The following PLEKHM2 variants were observed in gnomAD, a reference collection of about 807,000 sequenced individuals.
The protein encoded by PLEKHM2 is pleckstrin homology and RUN domain containing M2.
In PLEKHM2, 77 loss-of-function variants were observed where a neutral mutation model predicts 116.3. That is an observed-to-expected ratio of 0.66 (90% CI 0.55 to 0.80). The LOEUF (loss-of-function observed/expected upper bound fraction) is 0.80, where lower values mean the gene tolerates loss of function less well. Among genes scored for constraint, PLEKHM2 ranks in the 30% least tolerant of loss-of-function variants. The pLI is 0.00. For synonymous variants in PLEKHM2, 562 were observed against 571.0 expected (o/e 0.98, Z 0.22); for missense variants, 1,183 against 1,354.9 (o/e 0.87, Z 1.99).
chr1:15,731,814 C>T (rs1268754719), intron 16 of PLEKHM2, 75 bp from the exon 17 acceptor site: 1 of 1,354,388 alleles, frequency 7.4e-7, no homozygotes, highest in Non-Finnish European at 1.0e-6. Context: ...GCACACCCCG[C>T]ACCAACCCTG....
At chr1:15,696,592 C>G (rs1334442112) in intron 1 of PLEKHM2, among the ~76,000 whole-genome samples, 1 of 152,084 alleles carries the variant, frequency 6.6e-6, no homozygotes, top group Non-Finnish European at 1.5e-5. Context: ...CTCAGGTGAT[C>G]CGCCCGCCTC....
chr1:15,732,784 TCC>T, intron 19 of PLEKHM2, 56 bp downstream of exon 19: 1 of 1,207,088 alleles, frequency 8.3e-7, no homozygotes, highest in Middle Eastern at 1.9e-4. Flanking sequence ...TGGGAGCCAC[TCC>T]CCGGGGAGAG....
chr1:15,729,050 C>T lies in PLEKHM2; in HGVS notation c.1987-52C>T, dbSNP rs777882850. On this transcript the variant is annotated intron_variant, in intron 12 of 19. Coordinates refer to ENST00000375799, the MANE Select transcript of PLEKHM2 (RefSeq NM_015164.4). The surrounding 1 kb of genome is among the most constrained non-coding windows in gnomAD (Gnocchi z 4.7). Reference sequence around the variant, plus strand: ...CTCAGCCTGGCCAAGCTGCCTTCTCCGCCAGGCAGCAGCTAAGCCCCAAGT... The same window carrying T: ...CTCAGCCTGGCCAAGCTGCCTTCTCTGCCAGGCAGCAGCTAAGCCCCAAGT... 732 of 1,507,426 alleles carry T rather than the reference C, an allele frequency of 4.9e-4. No homozygotes were observed. The highest frequency in any genetic ancestry group is 5.4e-4 in the Non-Finnish European group (597 of 1,102,378). The allele number at this position is 1,507,426 out of a possible 1,614,324, so 93.4% of individuals were successfully genotyped here. A position where few individuals can be genotyped will look rare whatever the true frequency, so the allele number is the denominator to read the frequency against.
chr1:15,683,156 G>T (rs1557634640), upstream of PLEKHM2: 1 of 153,490 alleles, frequency 6.5e-6, no homozygotes, highest in African/African-American at 2.4e-5. Context: ...CTCAAATGTA[G>T]GACTGGGCCT....
Position 15,730,452 on chromosome 1 carries a change from A to AC in PLEKHM2, c.2209-80_2209-79insC, listed in dbSNP as rs1381547860. 2.5e-5 allele frequency: 31 copies of AC among 1,233,512 alleles called. No individual in the cohort carries two copies. In the East Asian group the frequency reaches 8.0e-4, roughly 32 times the overall value. 76.4% of individuals were successfully genotyped at this position (1,233,512 alleles called of 1,614,324 possible). A position where few individuals can be genotyped will look rare whatever the true frequency, so the allele number is the denominator to read the frequency against. On this transcript the variant is annotated intron_variant, in intron 14 of 19. Transcript: ENST00000375799. ...GCGAGACTCCATCTCAAAAAGAAAA[A>AC]AAAAGAACCAGTCCGGGCTCAGCCA...
intron 1 of PLEKHM2, among the ~76,000 whole-genome samples, chr1:15,706,389 C>CTTGT (rs1433769264): frequency 1.4e-5 from 2 of 138,886 alleles, no homozygotes; most frequent in African/African-American, 6.6e-5. Context: ...TTCTTGGCTC[C>CTTGT]TTATTTGTTT....
At chr1:15,692,803 G>A (rs546627701) in intron 1 of PLEKHM2, among the ~76,000 whole-genome samples, 105 of 151,978 alleles carry the variant, frequency 6.9e-4, no homozygotes, top group African/African-American at 2.3e-3. Context: ...ACGGTGGCAC[G>A]ATCTCGGCTC....
rs1266663098 is a variant in PLEKHM2, at chr1:15,716,816, A to G, written c.277A>G (p.Ser93Gly). The change falls in exon 3 of 20, where the codon AGC becomes GGC. Residue 93 changes from serine (S) to glycine (G), a missense_variant and splice_region_variant. Coordinates refer to ENST00000375799, the MANE Select transcript of PLEKHM2 (RefSeq NM_015164.4). ...GCACGTGGCCACCAACCTGGGGCGC[A>G]GTGAGTAGTCACAAGGAGACGCTGG... ...LQHVATNLGR[S>G]RAWLYLALNE... 3.2e-6 allele frequency: 5 copies of G among 1,559,482 alleles called. No homozygotes were observed. The highest frequency in any genetic ancestry group is 4.3e-6 in the Non-Finnish European group (5 of 1,151,496).
upstream of PLEKHM2, chr1:15,681,573 TG>T: frequency 2.1e-6 from 1 of 479,172 alleles, no homozygotes. Flanking sequence ...CAAAGCTTGT[TG>T]GGTCAGTTTT....
intron 7 of PLEKHM2, among the ~76,000 whole-genome samples, chr1:15,723,713 CCAGTCCGAGCGACA>C (rs2068023565): frequency 6.7e-6 from 1 of 148,650 alleles, no homozygotes; most frequent in African/African-American, 2.5e-5. Context: ...CCACTGCGCT[CCAGTCCGAGCGACA>C]CAGCGAGACC....
intron 7 of PLEKHM2, among the ~76,000 whole-genome samples, chr1:15,722,370 C>T (rs1193904727): frequency 6.6e-6 from 1 of 152,208 alleles, no homozygotes; most frequent in African/African-American, 2.4e-5. Context: ...TCTCAAACTC[C>T]TGACCTCAGG....
At position 15,684,638 on chromosome 1, in the gene PLEKHM2, C is replaced by A; in HGVS notation, c.60+20C>A. ...AAGAAGGTGAGCGCGGCCTCCCTCCCGGCCGGGGCCCCTTCCTCGCCGCGC... is the reference window on the plus strand; with the variant it reads ...AAGAAGGTGAGCGCGGCCTCCCTCCAGGCCGGGGCCCCTTCCTCGCCGCGC... On this transcript the variant is annotated intron_variant, in intron 1 of 19. Transcript: ENST00000375799. 1.6e-6 allele frequency: 2 copies of A among 1,250,912 alleles called. No homozygotes were observed. Among genetic ancestry groups the A allele is most frequent in the Non-Finnish European group, 1.0e-6 (1 of 985,616 alleles). The allele number at this position is 1,250,912 out of a possible 1,614,324, so 77.5% of individuals were successfully genotyped here. A position where few individuals can be genotyped will look rare whatever the true frequency, so the allele number is the denominator to read the frequency against.
chr1:15,682,131 AC>A (rs1196657389), upstream of PLEKHM2, among the ~76,000 whole-genome samples: 1 of 151,760 alleles, frequency 6.6e-6, no homozygotes. Flanking sequence ...AGTTCAAGCT[AC>A]AGTGAGCTAT....
chr1:15,732,451 C>T lies in PLEKHM2; in HGVS notation c.2727C>T (p.Phe909=), dbSNP rs1335060639. 6.3e-7 allele frequency: 1 copy of T among 1,598,076 alleles called. No individual in the cohort carries two copies. The highest frequency in any genetic ancestry group is 1.7e-5 in the Admixed American group (1 of 57,364). ...GCCATGAGGATTGCCAGACCAGCTT[C>T]TTCCGCTCTTTGGGCACAGCCAAGC... ...FTCHEDCQTS[F]FRSLGTAKLG... Residue 909 remains phenylalanine (F), a synonymous_variant, in exon 18 of 20, where the codon TTC becomes TTT. Transcript: ENST00000375799.
At position 15,731,238 on chromosome 1, in the gene PLEKHM2, C is replaced by A; in HGVS notation, c.2446C>A (p.Leu816Met). ...QYPDRTDVIP[L>M]LSVNMGGEQC... Reference sequence around the variant, plus strand: ...CCCGGACCGCACCGACGTCATCCCTCTGCTCTCGGTGAACATGGGGTAAGT... The same window carrying A: ...CCCGGACCGCACCGACGTCATCCCTATGCTCTCGGTGAACATGGGGTAAGT... Residue 816 changes from leucine (L) to methionine (M), a missense_variant, in exon 16 of 20, where the codon CTG becomes ATG. By Grantham distance (15) the Leu-to-Met change is conservative. This residue lies in a region of PLEKHM2 where 594 missense variants were observed against 720.1 expected (regional missense o/e 0.82). Coordinates refer to ENST00000375799, the MANE Select transcript of PLEKHM2 (RefSeq NM_015164.4). 1 of 1,594,570 alleles carries A rather than the reference C, an allele frequency of 6.3e-7. No individual in the cohort carries two copies. The highest frequency in any genetic ancestry group is 2.3e-5 in the East Asian group (1 of 43,970).
chr1:15,690,201 G>A (rs1024490449), intron 1 of PLEKHM2, among the ~76,000 whole-genome samples: 3 of 151,398 alleles, frequency 2.0e-5, no homozygotes, highest in African/African-American at 7.3e-5. Context: ...AAGTAGCTGG[G>A]ATTACGGGCA....
At chr1:15,714,153 G>C (rs1329127551) in intron 1 of PLEKHM2, among the ~76,000 whole-genome samples, 4 of 151,758 alleles carry the variant, frequency 2.6e-5, no homozygotes, top group African/African-American at 9.7e-5. Context: ...TCTTGGCCAG[G>C]CTGGTCTTGA....
At chr1:15,693,776 A>T (rs1042774777) in intron 1 of PLEKHM2, among the ~76,000 whole-genome samples, 1 of 152,242 alleles carries the variant, frequency 6.6e-6, no homozygotes, top group East Asian at 1.9e-4. Flanking sequence ...AACATTGAGT[A>T]AGAGGCAGAG....
chr1:15,683,723 G>C (rs1407051467), upstream of PLEKHM2, among the ~76,000 whole-genome samples: 10 of 151,222 alleles, frequency 6.6e-5, no homozygotes, highest in South Asian at 1.9e-3. Context: ...AGGTGGGGTT[G>C]GGGTCTCCGG....
Sources: gnomAD v4.1 joint callset for allele counts (sites outside exome capture counted in the v4.1 genomes callset) on GRCh38, gnomAD v4.1.1 for gene constraint, gnomAD v4.1.1 regional missense constraint, Gnocchi (gnomAD v3.1) non-coding constraint, MANE v1.5 for transcripts, NCBI Gene and HGNC (gene_info 2026-07-23, HGNC 2026-07-21) for gene names.